The following PCDHA2 variants were observed in gnomAD, a reference collection of about 807,000 sequenced individuals.
PCDHA2 encodes protocadherin alpha 2.
In PCDHA2, 58 loss-of-function variants were observed where a neutral mutation model predicts 66.0. The observed-to-expected ratio is 0.88, with a 90% CI of 0.71 to 1.09. The LOEUF is 1.09. Ranked by LOEUF, PCDHA2 falls within the 50% of genes least tolerant of loss-of-function variation. The probability of loss-of-function intolerance (pLI) is 0.00; values close to 1 mark genes in which losing one functional copy is unlikely to be tolerated. For synonymous variants in PCDHA2, 634 were observed against 554.0 expected, an observed-to-expected ratio of 1.14 and a Z score of -2.03; for missense variants, 1,267 against 1,242.3, an observed-to-expected ratio of 1.02 and a Z score of -0.30.
chr5:140,808,318 A>T, intron 1 of PCDHA2: 2 of 1,614,246 alleles, frequency 1.2e-6, no homozygotes, highest in Non-Finnish European at 1.7e-6. Context: ...TGTCCGACAA[A>T]GACATGGGTG....
chr5:140,898,547 A>C (rs1337213913), intron 1 of PCDHA2, among the ~76,000 whole-genome samples: 3 of 152,078 alleles, frequency 2.0e-5, no homozygotes, highest in Non-Finnish European at 4.4e-5. Flanking sequence ...CCATTTATCT[A>C]TGTCTCTGTT....
At chr5:140,815,211 C>T (rs1765676173) in intron 1 of PCDHA2, 1 of 152,062 alleles carries the variant, frequency 6.6e-6, no homozygotes, top group Non-Finnish European at 1.5e-5. Flanking sequence ...TAGGGCATAA[C>T]TTACTGTTGC....
In PCDHA2 at chr5:140,842,828, T is replaced by G. The variant is rs2150345538; in HGVS notation, c.2388+45476T>G. 123 of 1,593,622 alleles carry G rather than the reference T, an allele frequency of 7.7e-5. 15 individuals carry two copies. Among genetic ancestry groups the G allele is most frequent in the Admixed American group, 1.7e-4 (10 of 59,284 alleles). ...TGTGGAGCGGCGGGTGGGCGAGCGCTCGCTGTCGAGCTACATTTCGGTGCA... is the reference window on the plus strand; with the variant it reads ...TGTGGAGCGGCGGGTGGGCGAGCGCGCGCTGTCGAGCTACATTTCGGTGCA... On this transcript the variant is annotated intron_variant, in intron 1 of 3. Coordinates refer to ENST00000526136, the MANE Select transcript of PCDHA2 (RefSeq NM_018905.3).
chr5:140,945,533 A>G (rs1007849839), intron 1 of PCDHA2, among the ~76,000 whole-genome samples: 2 of 152,084 alleles, frequency 1.3e-5, no homozygotes, highest in African/African-American at 4.8e-5. Flanking sequence ...AAAACAAAAC[A>G]TACAAACAAA....
chr5:140,969,037 C>T (rs1554231375), intron 1 of PCDHA2: 1 of 1,614,158 alleles, frequency 6.2e-7, no homozygotes, highest in South Asian at 1.1e-5. Flanking sequence ...CAGAACTGTA[C>T]AAACAAGCCA....
At chr5:140,873,009 T>C (rs1397141967) in intron 1 of PCDHA2, among the ~76,000 whole-genome samples, 1 of 152,224 alleles carries the variant, frequency 6.6e-6, no homozygotes, top group African/African-American at 2.4e-5. Context: ...TCATTCTTCA[T>C]ATTTAGTTAT....
chr5:140,802,714 G>A (rs1554122306), intron 1 of PCDHA2: 1 of 1,612,568 alleles, frequency 6.2e-7, no homozygotes, highest in Non-Finnish European at 8.5e-7. Context: ...GCGCTGTCGA[G>A]CTACGTGTCG....
intron 1 of PCDHA2, among the ~76,000 whole-genome samples, chr5:140,923,218 TCG>T (rs1584297306): frequency 7.4e-6 from 1 of 135,282 alleles, no homozygotes; most frequent in Non-Finnish European, 1.7e-5. Flanking sequence ...GGTGAAAGGA[TCG>T]TTTGAGCCCA....
chr5:141,007,275 T>C (rs1418814264), intron 3 of PCDHA2, among the ~76,000 whole-genome samples: 2 of 151,338 alleles, frequency 1.3e-5, no homozygotes, highest in Non-Finnish European at 2.9e-5. Context: ...ACAGGCTGGG[T>C]GCAGTGGGCT....
intron 1 of PCDHA2, chr5:140,813,174 C>G (rs1554126132): frequency 6.6e-6 from 1 of 152,144 alleles, no homozygotes; most frequent in Admixed American, 6.6e-5. Flanking sequence ...TAGTGTTGTT[C>G]AAGTCCTCTG....
intron 3 of PCDHA2, among the ~76,000 whole-genome samples, chr5:140,990,557 A>G (rs782726055): frequency 2.0e-5 from 3 of 152,166 alleles, no homozygotes; most frequent in Non-Finnish European, 4.4e-5. Flanking sequence ...TTACCCAAGA[A>G]CACACACCTG....
chr5:140,824,226 G>A (rs1441042535), intron 1 of PCDHA2: 2 of 1,550,438 alleles, frequency 1.3e-6, no homozygotes, highest in Admixed American at 3.4e-5. Context: ...TTATGTCTTA[G>A]TACACAAATA....
intron 1 of PCDHA2, among the ~76,000 whole-genome samples, chr5:140,833,607 C>A (rs1037062393): frequency 6.6e-6 from 1 of 152,056 alleles, no homozygotes; most frequent in East Asian, 1.9e-4. Flanking sequence ...TCTGCTAAAG[C>A]AAAAAATTCA....
In PCDHA2 at chr5:140,841,681, C is replaced by T. The variant is rs2150320703; in HGVS notation, c.2388+44329C>T. 2.5e-6 allele frequency: 4 copies of T among 1,613,906 alleles called. No individual in the cohort carries two copies. In the South Asian group the frequency reaches 4.4e-5, roughly 18 times the overall value. ...GGCCGCTGCAGGTTTTCCATGTGGA[C>T]GTGGAGGTGAAGGATGTTAATGACA... On this transcript the variant is annotated intron_variant, in intron 1 of 3. Transcript: ENST00000526136.
intron 1 of PCDHA2, among the ~76,000 whole-genome samples, chr5:140,889,692 T>C (rs1237047126): frequency 1.3e-5 from 2 of 152,202 alleles, no homozygotes; most frequent in Non-Finnish European, 1.5e-5. Context: ...TTTAGTATTA[T>C]GGGCATATTC....
At chr5:140,986,246 C>G (rs561365390) in intron 3 of PCDHA2, among the ~76,000 whole-genome samples, 1 of 152,296 alleles carries the variant, frequency 6.6e-6, no homozygotes, top group South Asian at 2.1e-4. Flanking sequence ...TGAGCAGACC[C>G]GGACCACAGG....
At chr5:140,863,942 G>C (rs868949663) in intron 1 of PCDHA2, 1 of 159,974 alleles carries the variant, frequency 6.3e-6, no homozygotes, top group Non-Finnish European at 1.4e-5. Context: ...CAGAGGTTGC[G>C]GTGAGCCTAG....
chr5:140,832,454 T>C lies in PCDHA2; in HGVS notation c.2388+35102T>C, dbSNP rs193078566. Among the ~76,000 whole-genome samples, 274 of 152,332 alleles carry C rather than the reference T, an allele frequency of 1.8e-3. 1 individual carries two copies. The highest frequency in any genetic ancestry group is 6.5e-3 in the African/African-American group (271 of 41,598). ...TAATTTTTAAGCGTGTAATTAATAT[T>C]GCACTAAAATTTAAAAAAACTAACT... On this transcript the variant is annotated intron_variant, in intron 1 of 3. Transcript: ENST00000526136.
chr5:141,000,361 GTCTCTCTCTC>G lies in PCDHA2; in HGVS notation c.2537-9240_2537-9231del, dbSNP rs148596731. Reference sequence around the variant, plus strand: ...CCTATCTCTCTCTCTGTCTCTCTCTGTCTCTCTCTCTCTCTCTCTCTCTCTCTCTCTCTCT... The same window carrying G: ...CCTATCTCTCTCTCTGTCTCTCTCTGTCTCTCTCTCTCTCTCTCTCTCTCT... On this transcript the variant is annotated intron_variant, in intron 3 of 3. Transcript: ENST00000526136. 0.019 allele frequency among the ~76,000 whole-genome samples: 511 copies of G among 26,396 alleles called. 13 individuals carry two copies. In the Middle Eastern group the frequency reaches 0.2, roughly 10 times the overall value. The allele number at this position is 26,396 out of a possible 152,430, so 17.3% of individuals were successfully genotyped here.
Sources: allele counts gnomAD v4.1 joint callset (sites outside exome capture counted in the v4.1 genomes callset), GRCh38; gene constraint gnomAD v4.1.1; transcripts MANE v1.5; gene names NCBI Gene and HGNC (gene_info 2026-07-23, HGNC 2026-07-21).